UHRF2: variants seen among roughly 807,000 people sequenced by gnomAD.
UHRF2 encodes E3 ubiquitin-protein ligase UHRF2.
UHRF2 carries 23 observed loss-of-function variants against 96.8 expected under a neutral mutation model. The ratio of observed to expected loss-of-function variants is 0.24; its 90% confidence interval spans 0.17 to 0.34. The LOEUF (loss-of-function observed/expected upper bound fraction) is 0.34, where lower values mean the gene tolerates loss of function less well. Ranked by LOEUF, UHRF2 falls within the 10% of genes least tolerant of loss-of-function variation. The pLI, the probability that UHRF2 is intolerant of heterozygous loss-of-function variation, is 1.00. For synonymous variants in UHRF2, 385 were observed against 332.6 expected (o/e 1.16, Z -1.72); for missense variants, 685 against 981.5 (o/e 0.70, Z 4.04).
chr9:6,488,587 G>A (rs142165376), intron 9 of UHRF2, among the ~76,000 whole-genome samples: 4 of 114,546 alleles, frequency 3.5e-5, no homozygotes, highest in East Asian at 2.6e-4. Context: ...TGCCCTTGTC[G>A]CCCAGCTTGG....
chr9:6,437,658 C>T (rs1820931405), intron 3 of UHRF2, among the ~76,000 whole-genome samples: 1 of 152,072 alleles, frequency 6.6e-6, no homozygotes, highest in Non-Finnish European at 1.5e-5. Flanking sequence ...TGCACTGTGG[C>T]CCAGGCTGGA....
At chr9:6,456,724 A>G (rs148065984) in intron 3 of UHRF2, among the ~76,000 whole-genome samples, 1,571 of 152,262 alleles carry the variant, frequency 0.01, 15 homozygotes, top group Middle Eastern at 0.02. Flanking sequence ...GTGTAAGGAA[A>G]GGGTCCAGTT....
chr9:6,497,577 GT>G (rs367956676), intron 11 of UHRF2, among the ~76,000 whole-genome samples: 14 of 147,606 alleles, frequency 9.5e-5, no homozygotes, highest in Non-Finnish European at 7.5e-5. Flanking sequence ...TTGGGTTAAG[GT>G]TTTTTTTTTT....
At chr9:6,484,167 C>A (rs1233315703) in intron 8 of UHRF2, among the ~76,000 whole-genome samples, 1 of 151,600 alleles carries the variant, frequency 6.6e-6, no homozygotes, top group Non-Finnish European at 1.5e-5. Flanking sequence ...GACTTCTGGG[C>A]TCAAGTGATC....
rs1387103567 is a variant in UHRF2, at chr9:6,413,308, CG to C, written c.-180del. The C allele has an allele frequency of 5.5e-5, 21 of 380,224 alleles. No homozygotes were observed. The highest frequency in any genetic ancestry group is 4.0e-6 in the Non-Finnish European group (1 of 252,564). The allele number at this position is 380,224 out of a possible 1,614,324, so 23.6% of individuals were successfully genotyped here. A position where few individuals can be genotyped will look rare whatever the true frequency, so the allele number is the denominator to read the frequency against. ...GTCGTCTCTCCTCAAGTCGGCTAGTCGGGCGCGCGCGCTGAGAGTCGTCGCC... is the reference window on the plus strand; with the variant it reads ...GTCGTCTCTCCTCAAGTCGGCTAGTCGGCGCGCGCGCTGAGAGTCGTCGCC... On this transcript the variant is annotated 5_prime_UTR_variant, in exon 1 of 16. Transcript: ENST00000276893.
intron 3 of UHRF2, among the ~76,000 whole-genome samples, chr9:6,454,394 C>G (rs1822060125): frequency 1.3e-5 from 2 of 152,160 alleles, no homozygotes; most frequent in Non-Finnish European, 2.9e-5. Flanking sequence ...GACATTTAGG[C>G]TAAGTGTTAG....
intron 3 of UHRF2, among the ~76,000 whole-genome samples, chr9:6,439,316 C>T (rs1336730091): frequency 1.3e-5 from 2 of 152,192 alleles, no homozygotes; most frequent in African/African-American, 2.4e-5. Flanking sequence ...TCCTGAGACA[C>T]AGATGTGCAC....
intron 1 of UHRF2, among the ~76,000 whole-genome samples, chr9:6,416,093 G>A (rs921534514): frequency 3.3e-5 from 5 of 151,694 alleles, no homozygotes; most frequent in African/African-American, 9.7e-5. Context: ...TTTTTAAGCC[G>A]GAGTCTTGCC....
chr9:6,458,795 C>A (rs2130841078), intron 3 of UHRF2, among the ~76,000 whole-genome samples: 1 of 152,258 alleles, frequency 6.6e-6, no homozygotes, highest in South Asian at 2.1e-4. Flanking sequence ...CTGTTCACAA[C>A]AGCAAAGACT....
intron 2 of UHRF2, among the ~76,000 whole-genome samples, chr9:6,432,569 G>A (rs1416772612): frequency 3.3e-5 from 5 of 152,046 alleles, no homozygotes; most frequent in East Asian, 1.9e-4. Context: ...CTTTGTTTCC[G>A]TATTTTGTAA....
chr9:6,479,332 G>T (rs1823784327), intron 6 of UHRF2, among the ~76,000 whole-genome samples: 1 of 151,988 alleles, frequency 6.6e-6, no homozygotes, highest in Non-Finnish European at 1.5e-5. Context: ...TTACTCAACT[G>T]CTTAGCTGGT....
chr9:6,504,496 T>A lies in UHRF2; in HGVS notation c.2164-97T>A, dbSNP rs1043947900. ...TTTTATGCTGGGAACATTTGAATTA[T>A]TCTCTACTAGCTGTTTTGAAATACA... On this transcript the variant is annotated intron_variant, in intron 14 of 15. Coordinates refer to ENST00000276893, the MANE Select transcript of UHRF2 (RefSeq NM_152896.3). 7.2e-6 allele frequency: 5 copies of A among 697,604 alleles called. No homozygotes were observed. The East Asian group carries it at 1.4e-4, about 20-fold the overall frequency. 43.2% of individuals were successfully genotyped at this position (697,604 alleles called of 1,614,324 possible).
intron 4 of UHRF2, among the ~76,000 whole-genome samples, chr9:6,461,516 G>A (rs1020244853): frequency 2.0e-5 from 3 of 151,380 alleles, no homozygotes; most frequent in Non-Finnish European, 2.9e-5. Context: ...GGGACTACAG[G>A]CGTATGACAC....
At chr9:6,433,789 C>T in intron 2 of UHRF2, 125 bp from the exon 3 acceptor site, 1 of 964,846 alleles carries the variant, frequency 1.0e-6, no homozygotes, top group Middle Eastern at 3.1e-4. Context: ...TTATTAACCA[C>T]TTTAAACATG....
intron 3 of UHRF2, among the ~76,000 whole-genome samples, chr9:6,457,254 A>G (rs1822239466): frequency 6.6e-6 from 1 of 151,610 alleles, no homozygotes; most frequent in African/African-American, 2.4e-5. Flanking sequence ...TAGGTATTTT[A>G]TTCTCTTTGT....
intron 1 of UHRF2, among the ~76,000 whole-genome samples, chr9:6,417,803 TC>T (rs1269336779): frequency 2.6e-5 from 4 of 152,184 alleles, no homozygotes; most frequent in Non-Finnish European, 5.9e-5. Flanking sequence ...TCCTGTCAAA[TC>T]AAATTTTAAA....
Position 6,482,102 on chromosome 9 carries a change from A to T in UHRF2, c.1392+3A>T. 1 of 1,612,840 alleles carries T rather than the reference A, an allele frequency of 6.2e-7. No homozygotes were observed. The highest frequency in any genetic ancestry group is 1.1e-5 in the South Asian group (1 of 90,992). On this transcript the variant is annotated splice_donor_region_variant and intron_variant, in intron 8 of 15. Coordinates refer to ENST00000276893, the MANE Select transcript of UHRF2 (RefSeq NM_152896.3). ...CAACTTGGAGATTTAGAGTTCAGGT[A>T]TGTTTTAACTTGGGCTTAGTTGAAA... is the stretch of plus-strand genomic sequence containing the variant.
At chr9:6,443,821 T>C (rs1775759445) in intron 3 of UHRF2, among the ~76,000 whole-genome samples, 1 of 152,366 alleles carries the variant, frequency 6.6e-6, no homozygotes, top group South Asian at 2.1e-4. Flanking sequence ...TAGGCTAGGC[T>C]ATAATTAAAA....
chr9:6,446,779 G>A (rs1479095066), intron 3 of UHRF2, among the ~76,000 whole-genome samples: 1 of 151,906 alleles, frequency 6.6e-6, no homozygotes, highest in Non-Finnish European at 1.5e-5. Flanking sequence ...CAAGAAGTGG[G>A]GATTACAGTG....
Sources: allele counts gnomAD v4.1 joint callset (sites outside exome capture counted in the v4.1 genomes callset), GRCh38; gene constraint gnomAD v4.1.1; transcripts MANE v1.5; gene names NCBI Gene and HGNC (gene_info 2026-07-23, HGNC 2026-07-21).